HOMER2: variants seen among roughly 807,000 people sequenced by gnomAD.
The protein encoded by HOMER2 is homer scaffold protein 2, also known as homer protein homolog 2.
HOMER2 carries 27 observed loss-of-function variants against 47.0 expected under a neutral mutation model. The ratio of observed to expected loss-of-function variants is 0.57; its 90% confidence interval spans 0.42 to 0.79. The LOEUF (loss-of-function observed/expected upper bound fraction) is 0.79. Ranked by LOEUF, HOMER2 falls within the 30% of genes least tolerant of loss-of-function variation. The pLI is 0.00. For synonymous variants in HOMER2, 161 were observed against 163.8 expected (o/e 0.98, Z 0.13); for missense variants, 443 against 435.0 (o/e 1.02, Z -0.16).
intron 1 of HOMER2, among the ~76,000 whole-genome samples, chr15:82,938,178 C>T (rs1423050006): frequency 6.6e-6 from 1 of 152,126 alleles, no homozygotes; most frequent in East Asian, 1.9e-4. Context: ...TTGAGACCAG[C>T]CTGGCCAACA....
chr15:82,944,548 T>C (rs2054331036), intron 1 of HOMER2, among the ~76,000 whole-genome samples: 2 of 152,180 alleles, frequency 1.3e-5, no homozygotes, highest in Non-Finnish European at 2.9e-5. Context: ...TTCAGAAAAA[T>C]GCCTTTTCTC....
chr15:82,866,117 G>C (rs1596311162), intron 3 of HOMER2, among the ~76,000 whole-genome samples: 2 of 152,192 alleles, frequency 1.3e-5, no homozygotes, highest in East Asian at 3.8e-4. Flanking sequence ...GCCGGCCCGT[G>C]AAAGCAGCCA....
Position 82,849,762 on chromosome 15 carries a change from G to C in HOMER2, c.985C>G (p.Leu329Val), listed in dbSNP as rs2078945114. The change falls in exon 9 of 9, where the codon CTG (leucine) becomes GTG (valine). Residue 329 changes from leucine to valine, a missense_variant. Leu to Val is a conservative substitution (Grantham distance 32, BLOSUM62 1). Transcript: ENST00000450735. ...GAGAGCCCTCGGCGGAAGTCATGCAGGTCGTCAATCTTCCCGTCCAGCACC... is the reference window on the plus strand; with the variant it reads ...GAGAGCCCTCGGCGGAAGTCATGCACGTCGTCAATCTTCCCGTCCAGCACC... ...LEVLDGKIDD[L>V]HDFRRGLSKL... 1 of 1,613,840 alleles carries C rather than the reference G, an allele frequency of 6.2e-7. No individual in the cohort carries two copies. The highest frequency in any genetic ancestry group is 1.7e-5 in the Admixed American group (1 of 60,004).
intron 1 of HOMER2, among the ~76,000 whole-genome samples, chr15:82,919,251 A>G (rs577823549): frequency 1.3e-5 from 2 of 152,350 alleles, no homozygotes; most frequent in Non-Finnish European, 2.9e-5. Context: ...CATTTATACC[A>G]GACATGTAAG....
In HOMER2 at chr15:82,854,723, T is replaced by C. The variant is rs749489505; in HGVS notation, c.572A>G (p.Gln191Arg). Residue 191 changes from glutamine to arginine, a missense_variant, in exon 6 of 9, where the codon CAG becomes CGG. By Grantham distance (43) the Gln-to-Arg change is conservative (BLOSUM62 1). Coordinates refer to ENST00000450735, the MANE Select transcript of HOMER2 (RefSeq NM_004839.4). ...ESNARLTTAL[Q>R]ESAASVEQWK... ...CTGCTCCACACTGGCTGCCGACTCC[T>C]GCAGTGCTGTGGTCAGCCGTGCATT... is the stretch of plus-strand genomic sequence containing the variant. 3 of 1,612,886 alleles carry C rather than the reference T, an allele frequency of 1.9e-6. No individual in the cohort carries two copies. Among genetic ancestry groups the C allele is most frequent in the Admixed American group, 3.3e-5 (2 of 60,032 alleles).
At chr15:82,850,094 T>TCA (rs2051342802) in intron 8 of HOMER2, among the ~76,000 whole-genome samples, 191 bp from the exon 9 acceptor site, 1 of 152,130 alleles carries the variant, frequency 6.6e-6, no homozygotes, top group Non-Finnish European at 1.5e-5. Context: ...AGCAGGCACT[T>TCA]CAGTGACCTC....
At chr15:82,854,617 G>T (rs754656177) in intron 6 of HOMER2, 27 bp downstream of exon 6, 2 of 1,597,442 alleles carry the variant, frequency 1.3e-6, no homozygotes, top group African/African-American at 1.3e-5. Context: ...AGCTGGCCTC[G>T]GGGCTCACTG....
chr15:82,868,541 A>ATATATTTTTTTTTTT, intron 3 of HOMER2, among the ~76,000 whole-genome samples: 1 of 71,288 alleles, frequency 1.4e-5, no homozygotes. Flanking sequence ...ATATATATAT[A>ATATATTTTTTTTTTT]TTTTTTTTTT....
intron 1 of HOMER2, among the ~76,000 whole-genome samples, chr15:82,894,767 T>C (rs1231683342): frequency 6.6e-6 from 1 of 151,552 alleles, no homozygotes; most frequent in Non-Finnish European, 1.5e-5. Flanking sequence ...ACTTAGACAA[T>C]TTTTTAAATC....
At chr15:82,878,101 G>A (rs2052406741) in intron 2 of HOMER2, among the ~76,000 whole-genome samples, 1 of 152,112 alleles carries the variant, frequency 6.6e-6, no homozygotes, top group Non-Finnish European at 1.5e-5. Context: ...TTCAGAAACT[G>A]GATTCACTTT....
chr15:82,865,421 A>C (rs2051933565), intron 3 of HOMER2, among the ~76,000 whole-genome samples: 1 of 152,214 alleles, frequency 6.6e-6, no homozygotes. Context: ...CAGTACAAAT[A>C]AGTTTGTTCA....
chr15:82,898,860 C>G (rs1030158061), intron 1 of HOMER2, among the ~76,000 whole-genome samples: 5 of 152,218 alleles, frequency 3.3e-5, no homozygotes, highest in Non-Finnish European at 5.9e-5. Context: ...TACAAAACAT[C>G]AAAATTCTTA....
At chr15:82,916,801 G>C (rs2053601078) in intron 1 of HOMER2, among the ~76,000 whole-genome samples, 1 of 151,860 alleles carries the variant, frequency 6.6e-6, no homozygotes, top group African/African-American at 2.4e-5. Flanking sequence ...AAGAGCCAGA[G>C]CCCTCATTTT....
At chr15:82,948,447 C>G (rs1312674882) in intron 1 of HOMER2, among the ~76,000 whole-genome samples, 1 of 151,506 alleles carries the variant, frequency 6.6e-6, no homozygotes, top group African/African-American at 2.4e-5. Flanking sequence ...CCTATAATAC[C>G]AGCTACTCAG....
At chr15:82,901,516 C>T (rs1179255096) in intron 1 of HOMER2, among the ~76,000 whole-genome samples, 1 of 152,206 alleles carries the variant, frequency 6.6e-6, no homozygotes, top group East Asian at 1.9e-4. Flanking sequence ...ATATCTCCCT[C>T]CACCTCAGTC....
At chr15:82,903,360 C>G (rs2053187850) in intron 1 of HOMER2, among the ~76,000 whole-genome samples, 1 of 152,092 alleles carries the variant, frequency 6.6e-6, no homozygotes, top group Admixed American at 6.5e-5. Context: ...CGCCTGTAAT[C>G]TCAACACCTT....
At chr15:82,892,986 AAG>A in intron 1 of HOMER2, 145 bp from the exon 2 acceptor site, 2 of 610,508 alleles carry the variant, frequency 3.3e-6, no homozygotes, top group Non-Finnish European at 4.9e-6. Context: ...AATAAAAGCA[AAG>A]AGAGAAGAAA....
chr15:82,969,397 G>A (rs1029006422), intron 1 of HOMER2, among the ~76,000 whole-genome samples: 1 of 152,162 alleles, frequency 6.6e-6, no homozygotes, highest in Non-Finnish European at 1.5e-5. Context: ...TACCCTAAAA[G>A]CTTGCTATTT....
intron 1 of HOMER2, among the ~76,000 whole-genome samples, chr15:82,897,761 A>C (rs2052980798): frequency 6.6e-6 from 1 of 152,232 alleles, no homozygotes; most frequent in African/African-American, 2.4e-5. Flanking sequence ...CCCTTAGTCC[A>C]ACTCCCTTGG....
Sources: allele counts gnomAD v4.1 joint callset (sites outside exome capture counted in the v4.1 genomes callset), GRCh38; gene constraint gnomAD v4.1.1; transcripts MANE v1.5; gene names NCBI Gene and HGNC (gene_info 2026-07-23, HGNC 2026-07-21).